The following SIPA1L1 variants were observed in gnomAD, a reference collection of about 807,000 sequenced individuals.
The protein encoded by SIPA1L1 is signal induced proliferation associated 1 like 1, also known as signal-induced proliferation-associated 1-like protein 1.
SIPA1L1 carries 26 observed loss-of-function variants against 162.7 expected under a neutral mutation model. That is an observed-to-expected ratio of 0.16 (90% confidence interval 0.12 to 0.22). The LOEUF (loss-of-function observed/expected upper bound fraction) is 0.22. Ranked by LOEUF, SIPA1L1 falls within the 10% of genes least tolerant of loss-of-function variation. The probability of loss-of-function intolerance (pLI) is 1.00; values close to 1 mark genes in which losing one functional copy is unlikely to be tolerated. For synonymous variants in SIPA1L1, 829 were observed against 837.4 expected (o/e 0.99, Z 0.17); for missense variants, 1,874 against 2,241.0 (o/e 0.84, Z 3.31).
intron 13 of SIPA1L1, among the ~76,000 whole-genome samples, chr14:71,697,498 A>AT: frequency 2.0e-5 from 3 of 152,338 alleles, no homozygotes; most frequent in Middle Eastern, 6.8e-3. Context: ...CAAAAAAAAA[A>AT]TGATGTTTAT....
chr14:71,578,003 C>T lies in SIPA1L1; in HGVS notation c.-302-9568C>T, dbSNP rs542659350. Among the ~76,000 whole-genome samples the T allele has an allele frequency of 1.5e-4, 23 of 152,138 alleles. No individual in the cohort carries two copies. The South Asian group carries it at 3.1e-3, about 21-fold the overall frequency. ...TCGCCTCACTGCAGCCTCTGCTGCCCGGATTCATCCAGTTCTCCTACCTCA... is the reference window on the plus strand; with the variant it reads ...TCGCCTCACTGCAGCCTCTGCTGCCTGGATTCATCCAGTTCTCCTACCTCA... On this transcript the variant is annotated intron_variant, in intron 4 of 23. Transcript: ENST00000381232.
At chr14:71,726,791 T>A (rs1469657928) in intron 19 of SIPA1L1, among the ~76,000 whole-genome samples, 1 of 152,154 alleles carries the variant, frequency 6.6e-6, no homozygotes, top group South Asian at 2.1e-4. Flanking sequence ...GAGTTCAGCT[T>A]AGTAGCTCCC....
At chr14:71,590,044 AATATATAT>A (rs58833289) in intron 5 of SIPA1L1, among the ~76,000 whole-genome samples, 13,413 of 58,930 alleles carry the variant, frequency 0.23, 1,694 homozygotes, top group Non-Finnish European at 0.3. Context: ...AAAAAAAAAA[AATATATAT>A]ATATATATAT....
intron 2 of SIPA1L1, among the ~76,000 whole-genome samples, chr14:71,477,964 A>G (rs1316109036): frequency 6.6e-6 from 1 of 152,138 alleles, no homozygotes. Context: ...GTCATTTTCC[A>G]TTTACACCAG....
rs967257247 is a variant in SIPA1L1 at position 71,458,379 on chromosome 14, T to C, written c.-464-54364T>C. 3.9e-5 allele frequency among the ~76,000 whole-genome samples: 6 copies of C among 152,234 alleles called. No homozygotes were observed. In the East Asian group the frequency reaches 9.6e-4, roughly 24 times the overall value. ...TGAGCAGTGATTGGGGTGAAGATTA[T>C]ACATTAGGTCATATTCGTATGTAAC... On this transcript the variant is annotated intron_variant, in intron 2 of 23. Transcript: ENST00000381232.
intron 2 of SIPA1L1, chr14:71,416,287 A>G (rs2042754837): frequency 6.6e-6 from 1 of 152,262 alleles, no homozygotes; most frequent in South Asian, 2.1e-4. Context: ...ATGCAAGTCC[A>G]GACAATATCA....
chr14:71,447,988 C>G (rs886758036), intron 2 of SIPA1L1, among the ~76,000 whole-genome samples: 33 of 152,162 alleles, frequency 2.2e-4, no homozygotes, highest in African/African-American at 7.7e-4. Flanking sequence ...CCCCTCTGGT[C>G]AGTGACAATG....
At chr14:71,546,692 T>A (rs1305204805) in intron 4 of SIPA1L1, among the ~76,000 whole-genome samples, 1 of 152,224 alleles carries the variant, frequency 6.6e-6, no homozygotes, top group Non-Finnish European at 1.5e-5. Flanking sequence ...ATTTATCAAA[T>A]ATTTATTGAG....
chr14:71,446,509 G>T (rs1034504321), intron 2 of SIPA1L1, among the ~76,000 whole-genome samples: 2 of 152,130 alleles, frequency 1.3e-5, no homozygotes, highest in Admixed American at 1.3e-4. Context: ...CCAGGCTGCA[G>T]CTGAGTTATG....
rs113974927 is a variant in SIPA1L1, at chr14:71,677,349, G to A, written c.3104+4727G>A. ...GATTTTTTCTTGTAAATTTGTTTAA[G>A]TTCTTTGTAGATTCTGGATGTTAGC... On this transcript the variant is annotated intron_variant, in intron 12 of 23. Transcript: ENST00000381232. 1.3e-5 allele frequency among the ~76,000 whole-genome samples: 2 copies of A among 152,286 alleles called. 1 individual carries two copies. Among genetic ancestry groups the A allele is most frequent in the African/African-American group, 4.8e-5 (2 of 41,558 alleles).
chr14:71,667,001 A>G (rs189073770), intron 10 of SIPA1L1, among the ~76,000 whole-genome samples: 46 of 152,220 alleles, frequency 3.0e-4, no homozygotes, highest in Non-Finnish European at 6.6e-4. Context: ...CCTATTGTCC[A>G]CTGCAGCTGA....
intron 12 of SIPA1L1, among the ~76,000 whole-genome samples, chr14:71,679,785 A>G (rs1300354598): frequency 6.6e-6 from 1 of 152,194 alleles, no homozygotes; most frequent in Non-Finnish European, 1.5e-5. Flanking sequence ...TTGCAATCCT[A>G]GTCTCTGATA....
chr14:71,535,610 T>C (rs2053826397), intron 4 of SIPA1L1, among the ~76,000 whole-genome samples: 1 of 152,090 alleles, frequency 6.6e-6, no homozygotes, highest in Admixed American at 6.5e-5. Flanking sequence ...GTTTTTTTTT[T>C]TTCCTTTTTC....
intron 4 of SIPA1L1, among the ~76,000 whole-genome samples, chr14:71,553,726 A>G (rs1205293121): frequency 6.6e-6 from 1 of 152,134 alleles, no homozygotes; most frequent in Admixed American, 6.5e-5. Context: ...ATCCCATTGT[A>G]TTGTTTAGGT....
chr14:71,409,224 A>G (rs2042235745), intron 2 of SIPA1L1, among the ~76,000 whole-genome samples: 2 of 152,176 alleles, frequency 1.3e-5, no homozygotes, highest in South Asian at 4.1e-4. Context: ...CCTCATCGGA[A>G]CCAGGTGAGT....
chr14:71,670,925 G>A (rs2044454072), intron 10 of SIPA1L1, among the ~76,000 whole-genome samples, 194 bp from the exon 11 acceptor site: 1 of 152,148 alleles, frequency 6.6e-6, no homozygotes, highest in African/African-American at 2.4e-5. Context: ...AAAAAATTAT[G>A]TTGTGTAAAT....
In SIPA1L1 at chr14:71,685,755, C is replaced by T; in HGVS notation, c.3374+124C>T. On this transcript the variant is annotated intron_variant, in intron 13 of 23. Coordinates refer to ENST00000381232, the MANE Select transcript of SIPA1L1 (RefSeq NM_001386936.1). ...AGAAACAAAGAATTAAACTGAGGTG[C>T]ATACCGTAGTGACTTTCAAAGCATG... The T allele has an allele frequency of 9.0e-6, 11 of 1,217,080 alleles. 1 individual carries two copies. The South Asian group carries it at 1.7e-4, about 19-fold the overall frequency. 75.4% of individuals were successfully genotyped at this position (1,217,080 alleles called of 1,614,324 possible).
chr14:71,493,382 T>C (rs2049452111), intron 2 of SIPA1L1, among the ~76,000 whole-genome samples: 1 of 152,230 alleles, frequency 6.6e-6, no homozygotes, highest in African/African-American at 2.4e-5. Context: ...TGTGAGCTAT[T>C]GCACCTGGCG....
chr14:71,327,189 TCTC>T (rs1476617353), intron 2 of SIPA1L1, among the ~76,000 whole-genome samples: 1 of 151,676 alleles, frequency 6.6e-6, no homozygotes, highest in African/African-American at 2.4e-5. Flanking sequence ...TTCAAGCGAT[TCTC>T]CTGCAACAGC....
Sources: gnomAD v4.1 joint callset for allele counts (sites outside exome capture counted in the v4.1 genomes callset) on GRCh38, gnomAD v4.1.1 for gene constraint, MANE v1.5 for transcripts, NCBI Gene and HGNC (gene_info 2026-07-23, HGNC 2026-07-21) for gene names.